REPS1: variants seen among roughly 807,000 people sequenced by gnomAD.
REPS1 encodes RALBP1 associated Eps domain containing 1.
In REPS1, 39 loss-of-function variants were observed where a neutral mutation model predicts 100.9. The ratio of observed to expected loss-of-function variants is 0.39; its 90% CI spans 0.30 to 0.50. REPS1 has a LOEUF of 0.50. REPS1 is among the 20% of genes least tolerant of loss of function. The pLI, the probability that REPS1 is intolerant of heterozygous loss-of-function variation, is 0.86. For synonymous variants in REPS1, 324 were observed against 340.3 expected, an observed-to-expected ratio of 0.95 and a Z score of 0.53; for missense variants, 821 against 968.5, an observed-to-expected ratio of 0.85 and a Z score of 2.02.
intron 15 of REPS1, among the ~76,000 whole-genome samples, chr6:138,913,181 TA>T (rs773783388): frequency 2.6e-5 from 4 of 152,138 alleles, no homozygotes; most frequent in South Asian, 4.1e-4. Context: ...AATAAAAAGA[TA>T]TTTTTTTTCA....
At chr6:138,912,611 C>T (rs958401749) in intron 16 of REPS1, 154 bp downstream of exon 16, 31 of 718,076 alleles carry the variant, frequency 4.3e-5, no homozygotes, top group Non-Finnish European at 2.9e-5. Context: ...TACACTGCAA[C>T]CAGCAGATAT....
chr6:138,919,857 C>G (rs542966810), intron 12 of REPS1, among the ~76,000 whole-genome samples: 12 of 146,714 alleles, frequency 8.2e-5, no homozygotes, highest in Non-Finnish European at 1.4e-4. Flanking sequence ...GCAGCAAAGA[C>G]TTTTTTACTG....
intron 6 of REPS1, 62 bp from the exon 7 acceptor site, chr6:138,943,638 G>A (rs761532860): frequency 2.4e-5 from 31 of 1,278,376 alleles, no homozygotes; most frequent in East Asian, 7.0e-5. Context: ...CGAACAGAAT[G>A]TAAGAGTCTT....
rs1785347114 is a variant in REPS1 at position 138,987,625 on chromosome 6, A to G, written c.58T>C (p.Tyr20His). 6.4e-7 allele frequency: 1 copy of G among 1,550,942 alleles called. No individual in the cohort carries two copies. Among genetic ancestry groups the G allele is most frequent in the African/African-American group, 1.4e-5 (1 of 72,962 alleles). ...EQKYYSDLFS[Y>H]CDIESTKKVV... ...TTCTTGGTGCTCTCAATGTCGCAGT[A>G]GGAGAAGAGATCTGAATAGTATTTC... The change falls in exon 1 of 20, where the codon TAC becomes CAC. Residue 20 changes from tyrosine (Y) to histidine (H), a missense_variant. By Grantham distance (83) the Tyr-to-His change is moderately conservative (BLOSUM62 2). Around this residue, in one of 3 missense-constraint regions of REPS1, gnomAD observed 36 missense variants for 36.7 expected, o/e 0.98. Transcript: ENST00000450536.
chr6:138,943,777 A>G (rs1434384892), intron 6 of REPS1, 76 bp downstream of exon 6: 3 of 1,309,006 alleles, frequency 2.3e-6, no homozygotes, highest in South Asian at 1.4e-5. Context: ...TATGACCAAT[A>G]AAACAATGTC....
chr6:138,978,583 T>C (rs1443267287), intron 1 of REPS1, among the ~76,000 whole-genome samples: 1 of 152,152 alleles, frequency 6.6e-6, no homozygotes, highest in East Asian at 1.9e-4. Flanking sequence ...GTGCTAGGAT[T>C]ACAGGCATAA....
intron 6 of REPS1, 95 bp downstream of exon 6, chr6:138,943,758 A>G: frequency 8.5e-7 from 1 of 1,172,782 alleles, no homozygotes; most frequent in Non-Finnish European, 1.2e-6. Flanking sequence ...TTATTTTATA[A>G]TTAAAATCTA....
chr6:138,912,606 T>C, intron 16 of REPS1, 159 bp downstream of exon 16: 1 of 694,020 alleles, frequency 1.4e-6, no homozygotes, highest in Non-Finnish European at 2.5e-6. Context: ...AGCATTACAC[T>C]GCAACCAGCA....
intron 10 of REPS1, among the ~76,000 whole-genome samples, chr6:138,925,928 T>C (rs1781088622): frequency 6.6e-6 from 1 of 152,220 alleles, no homozygotes; most frequent in Admixed American, 6.5e-5. Flanking sequence ...ATTGCTGAAC[T>C]TGATTCTCTC....
At chr6:138,981,750 T>C (rs963095062) in intron 1 of REPS1, among the ~76,000 whole-genome samples, 8 of 152,332 alleles carry the variant, frequency 5.3e-5, no homozygotes, top group Admixed American at 5.2e-4. Flanking sequence ...TTCTGTGATT[T>C]GTTCAGGGTT....
Position 138,945,376 on chromosome 6 carries a change from G to A in REPS1, c.475-4C>T, listed in dbSNP as rs778094369. The A allele has an allele frequency of 1.3e-6, 2 of 1,594,632 alleles. No homozygotes were observed. The highest frequency in any genetic ancestry group is 3.6e-5 in the Admixed American group (2 of 55,572). On this transcript the variant is annotated splice_polypyrimidine_tract_variant and splice_region_variant and intron_variant, in intron 3 of 19. Coordinates refer to ENST00000450536, the MANE Select transcript of REPS1 (RefSeq NM_001286611.2). ...AAACTACTGGGGATGCAGGTTCCTA[G>A]AAAAGAATATTATTTTAAAATTTTA...
chr6:138,986,841 C>G (rs1240025018), intron 1 of REPS1, among the ~76,000 whole-genome samples: 1 of 152,182 alleles, frequency 6.6e-6, no homozygotes, highest in African/African-American at 2.4e-5. Context: ...CAGATTAGGG[C>G]AAATAACGCA....
rs73563044 is a variant in REPS1 at position 138,965,587 on chromosome 6, T to C, written c.154-17674A>G. On this transcript the variant is annotated intron_variant, in intron 1 of 19. Coordinates refer to ENST00000450536, the MANE Select transcript of REPS1 (RefSeq NM_001286611.2). ...AAATTTACATCCAAACTGAGACATG[T>C]GTAGAGTGAAAGAGGCACTGTTTAT... 4.6e-3 allele frequency among the ~76,000 whole-genome samples: 696 copies of C among 152,234 alleles called. 7 individuals carry two copies. Among genetic ancestry groups the C allele is most frequent in the African/African-American group, 0.016 (654 of 41,542 alleles).
At chr6:138,931,396 TA>T (rs1781476821) in intron 8 of REPS1, among the ~76,000 whole-genome samples, 1 of 152,214 alleles carries the variant, frequency 6.6e-6, no homozygotes, top group Non-Finnish European at 1.5e-5. Flanking sequence ...GCCATTTTCC[TA>T]AGACCACAAT....
At position 138,987,790 on chromosome 6, in the gene REPS1, C is replaced by T. The variant is rs948825390; in HGVS notation, c.-108G>A. On this transcript the variant is annotated 5_prime_UTR_variant, in exon 1 of 20. Coordinates refer to ENST00000450536, the MANE Select transcript of REPS1 (RefSeq NM_001286611.2). ...GCGTGGCCCGGCCTCCTGCTAGCTT[C>T]CCGAAAACGCCGGCCCCGGCCTCAC... 4.6e-6 allele frequency: 6 copies of T among 1,301,800 alleles called. No homozygotes were observed. The highest frequency in any genetic ancestry group is 6.0e-6 in the Non-Finnish European group (6 of 1,005,860). The allele number at this position is 1,301,800 out of a possible 1,614,324, so 80.6% of individuals were successfully genotyped here. A position where few individuals can be genotyped will look rare whatever the true frequency, so the allele number is the denominator to read the frequency against.
At chr6:138,984,949 G>T (rs1338716224) in intron 1 of REPS1, among the ~76,000 whole-genome samples, 5 of 152,148 alleles carry the variant, frequency 3.3e-5, no homozygotes, top group African/African-American at 1.2e-4. Flanking sequence ...CACCCTGGTT[G>T]GATGTCCATG....
intron 1 of REPS1, among the ~76,000 whole-genome samples, chr6:138,987,215 C>A (rs538844156): frequency 6.6e-6 from 1 of 152,370 alleles, no homozygotes; most frequent in South Asian, 2.1e-4. Context: ...AGGATTCACA[C>A]ACATTAACAA....
chr6:138,979,204 A>C (rs1169431257), intron 1 of REPS1, among the ~76,000 whole-genome samples: 4 of 150,444 alleles, frequency 2.7e-5, no homozygotes, highest in Admixed American at 6.6e-5. Context: ...AAAACAAAAA[A>C]AAAAAACTGA....
At chr6:138,907,860 T>C (rs146989379) in intron 18 of REPS1, among the ~76,000 whole-genome samples, 130 of 152,242 alleles carry the variant, frequency 8.5e-4, no homozygotes, top group African/African-American at 3.1e-3. Context: ...GAGTCTAAAG[T>C]AGGTACTGGC....
Sources: allele counts gnomAD v4.1 joint callset (sites outside exome capture counted in the v4.1 genomes callset), GRCh38; gene constraint gnomAD v4.1.1; regional missense constraint gnomAD v4.1.1; transcripts MANE v1.5; gene names NCBI Gene and HGNC (gene_info 2026-07-23, HGNC 2026-07-21).